The following PAK1 variants were observed in gnomAD, a reference collection of about 807,000 sequenced individuals.
The protein encoded by PAK1 is serine/threonine-protein kinase PAK 1.
PAK1 carries 29 observed loss-of-function variants against 67.4 expected under a neutral mutation model. The ratio of observed to expected loss-of-function variants is 0.43; its 90% CI spans 0.32 to 0.59. PAK1 has a LOEUF of 0.59. Ranked by LOEUF, PAK1 falls within the 20% of genes least tolerant of loss-of-function variation. PAK1 has a pLI of 0.07. For synonymous variants in PAK1, 223 were observed against 237.4 expected (o/e 0.94, Z 0.56); for missense variants, 337 against 670.7 (o/e 0.50, Z 5.50).
chr11:77,341,414 C>T (rs1943583907), intron 10 of PAK1, among the ~76,000 whole-genome samples: 1 of 152,166 alleles, frequency 6.6e-6, no homozygotes, highest in African/African-American at 2.4e-5. Context: ...CTTTGAGTGT[C>T]TGTGGTTCAA....
intron 1 of PAK1, among the ~76,000 whole-genome samples, chr11:77,419,912 AAAT>A (rs963864188): frequency 6.6e-6 from 1 of 152,228 alleles, no homozygotes; most frequent in Non-Finnish European, 1.5e-5. Context: ...AGTATAAAAT[AAAT>A]AATAATAGTA....
chr11:77,339,291 C>T (rs955299416), intron 11 of PAK1, among the ~76,000 whole-genome samples: 3 of 151,934 alleles, frequency 2.0e-5, no homozygotes, highest in African/African-American at 4.8e-5. Context: ...CATGTATTCT[C>T]AACTAGTGAA....
At chr11:77,333,239 C>T (rs529269090) in intron 13 of PAK1, among the ~76,000 whole-genome samples, 67 of 147,936 alleles carry the variant, frequency 4.5e-4, no homozygotes, top group Non-Finnish European at 7.4e-4. Flanking sequence ...GCTCTGTCGC[C>T]CAGGCTGGAG....
chr11:77,380,952 A>G (rs530755228), intron 2 of PAK1, among the ~76,000 whole-genome samples: 4 of 152,318 alleles, frequency 2.6e-5, no homozygotes, highest in African/African-American at 7.2e-5. Context: ...AACACTTGTT[A>G]CCCAGCACCT....
At chr11:77,426,811 C>T (rs1955568942) in intron 1 of PAK1, among the ~76,000 whole-genome samples, 1 of 146,334 alleles carries the variant, frequency 6.8e-6, no homozygotes, top group Admixed American at 6.8e-5. Context: ...GACTGAAAAC[C>T]TGACAGGAAA....
the PAK1 span, among the ~76,000 whole-genome samples, chr11:77,490,575 C>T: frequency 6.6e-6 from 1 of 151,716 alleles, no homozygotes; most frequent in Non-Finnish European, 1.5e-5. Flanking sequence ...CCGGCCGCCC[C>T]TACTGGGAAG....
chr11:77,505,894 G>A, the PAK1 span, among the ~76,000 whole-genome samples: 1 of 152,214 alleles, frequency 6.6e-6, no homozygotes, highest in Non-Finnish European at 1.5e-5. Context: ...GTCCTAAGAA[G>A]GAGCAATCAG....
intron 9 of PAK1, among the ~76,000 whole-genome samples, chr11:77,348,952 C>T (rs1179536547): frequency 1.3e-5 from 2 of 151,968 alleles, no homozygotes; most frequent in East Asian, 1.9e-4. Flanking sequence ...GGTGAAACCT[C>T]ACCTCTACTA....
chr11:77,454,363 T>C (rs115176621), intron 1 of PAK1, among the ~76,000 whole-genome samples: 35 of 152,256 alleles, frequency 2.3e-4, no homozygotes, highest in African/African-American at 8.2e-4. Flanking sequence ...CAGACACACA[T>C]TATCCGGTTT....
intron 9 of PAK1, among the ~76,000 whole-genome samples, chr11:77,346,093 C>A (rs1358555549): frequency 6.6e-6 from 1 of 152,208 alleles, no homozygotes; most frequent in African/African-American, 2.4e-5. Flanking sequence ...CCTGCCTCAG[C>A]CTCCCGTGTA....
intron 2 of PAK1, among the ~76,000 whole-genome samples, chr11:77,389,153 T>C (rs1176157689): frequency 6.6e-6 from 1 of 152,248 alleles, no homozygotes; most frequent in East Asian, 1.9e-4. Context: ...TTACCAATGC[T>C]GGACATTTCC....
intron 14 of PAK1, among the ~76,000 whole-genome samples, chr11:77,324,370 G>A (rs1446983623): frequency 6.6e-6 from 1 of 151,796 alleles, no homozygotes; most frequent in Non-Finnish European, 1.5e-5. Context: ...ACGGGGTTTT[G>A]CCATACTGTC....
chr11:77,496,578 C>A, the PAK1 span, among the ~76,000 whole-genome samples: 3 of 151,734 alleles, frequency 2.0e-5, no homozygotes, highest in African/African-American at 7.3e-5. Flanking sequence ...TGAGCCACTG[C>A]TCTCCAGCCT....
chr11:77,505,702 C>T, the PAK1 span, among the ~76,000 whole-genome samples: 4 of 152,196 alleles, frequency 2.6e-5, no homozygotes, highest in South Asian at 8.3e-4. Context: ...CAGTAACATC[C>T]TCAAATTTCA....
intron 1 of PAK1, among the ~76,000 whole-genome samples, chr11:77,411,414 A>C (rs142781063): frequency 2.0e-4 from 30 of 151,798 alleles, no homozygotes; most frequent in African/African-American, 7.3e-4. Flanking sequence ...AAAAGCCCCC[A>C]CAGTCCCAGC....
intron 1 of PAK1, among the ~76,000 whole-genome samples, chr11:77,461,056 G>T (rs1445575634): frequency 1.3e-5 from 2 of 152,154 alleles, no homozygotes; most frequent in East Asian, 3.8e-4. Flanking sequence ...AAGAAAGGCT[G>T]TAGTGGTTTT....
chr11:77,349,211 G>C (rs1944887199), intron 9 of PAK1, 28 bp downstream of exon 9: 3 of 1,536,744 alleles, frequency 2.0e-6, no homozygotes, highest in Non-Finnish European at 1.8e-6. Flanking sequence ...CAGAACTAAA[G>C]GAGCAACAGT....
At chr11:77,474,907 CTG>C (rs1365884589), upstream of PAK1, 1 of 152,190 alleles carries the variant, frequency 6.6e-6, no homozygotes, top group Non-Finnish European at 1.5e-5. Flanking sequence ...ATGTGCGAAA[CTG>C]AGACAGCATT....
rs905039170 is a variant in PAK1, at chr11:77,322,959, A to C, written c.*315T>G. On this transcript the variant is annotated 3_prime_UTR_variant, in exon 15 of 15. Transcript: ENST00000356341. The stretch of plus-strand genomic sequence containing the variant: ...GAATTAATTGTGGGAGATGGTTATG[A>C]AGGAGGTGAGGATTTTGACACACGG... The C allele has an allele frequency of 1.7e-6, 1 of 592,838 alleles. No homozygotes were observed. The highest frequency in any genetic ancestry group is 1.9e-5 in the African/African-American group (1 of 53,832). The allele number at this position is 592,838 out of a possible 1,614,324, so 36.7% of individuals were successfully genotyped here.
Sources: gnomAD v4.1 joint callset for allele counts (sites outside exome capture counted in the v4.1 genomes callset) on GRCh38, gnomAD v4.1.1 for gene constraint, MANE v1.5 for transcripts, NCBI Gene and HGNC (gene_info 2026-07-23, HGNC 2026-07-21) for gene names.